PCLO: variants seen among roughly 807,000 people sequenced by gnomAD.
PCLO encodes protein piccolo.
In PCLO, 82 loss-of-function variants were observed where a neutral mutation model predicts 427.5. The ratio of observed to expected loss-of-function variants is 0.19; its 90% CI spans 0.16 to 0.23. The LOEUF (loss-of-function observed/expected upper bound fraction) is 0.23. PCLO is among the 10% of genes least tolerant of loss of function. The pLI is 1.00. For synonymous variants in PCLO, 2,357 were observed against 2,155.4 expected (o/e 1.09, Z -2.59); for missense variants, 6,239 against 6,115.9 (o/e 1.02, Z -0.67).
chr7:82,913,762 T>C (rs1447554877), intron 7 of PCLO, among the ~76,000 whole-genome samples: 1 of 152,052 alleles, frequency 6.6e-6, no homozygotes, highest in Non-Finnish European at 1.5e-5. Context: ...TTTATGGTTG[T>C]ATATCTTTAA....
intron 3 of PCLO, among the ~76,000 whole-genome samples, chr7:83,131,343 C>T (rs1454569241): frequency 1.3e-5 from 2 of 152,070 alleles, no homozygotes; most frequent in African/African-American, 4.8e-5. Context: ...TCCTCAGGTA[C>T]AGTGGGAGGT....
intron 4 of PCLO, among the ~76,000 whole-genome samples, chr7:82,957,906 TATG>T (rs1795565062): frequency 6.6e-6 from 1 of 152,214 alleles, no homozygotes; most frequent in South Asian, 2.1e-4. Context: ...TTTCTTGGGC[TATG>T]ATGATGCCAT....
At chr7:82,872,686 G>A (rs1793266027) in intron 10 of PCLO, among the ~76,000 whole-genome samples, 1 of 152,070 alleles carries the variant, frequency 6.6e-6, no homozygotes, top group African/African-American at 2.4e-5. Flanking sequence ...ACTAATTATA[G>A]CATTGTCTAA....
intron 20 of PCLO, among the ~76,000 whole-genome samples, chr7:82,819,167 A>T (rs1791738314): frequency 6.6e-6 from 1 of 152,148 alleles, no homozygotes; most frequent in Admixed American, 6.6e-5. Context: ...TTAGAAAACA[A>T]GGCTTTTTAA....
At chr7:82,845,218 T>G in intron 13 of PCLO, 53 bp downstream of exon 13, 1 of 1,203,650 alleles carries the variant, frequency 8.3e-7, no homozygotes, top group South Asian at 1.2e-5. Flanking sequence ...GTCTCTATGC[T>G]GAATAAAGAG....
intron 2 of PCLO, among the ~76,000 whole-genome samples, chr7:83,150,114 G>A (rs1451189819): frequency 6.6e-6 from 1 of 152,130 alleles, no homozygotes; most frequent in African/African-American, 2.4e-5. Flanking sequence ...ATAAGAGTTG[G>A]GAAAATTACC....
rs200923736 is a variant in PCLO, at chr7:82,776,128, A to AT, written c.15008-14636dup. On this transcript the variant is annotated intron_variant, in intron 22 of 24. Transcript: ENST00000333891. Reference sequence around the variant, plus strand: ...ACATTGTTAACAAATAATTGGTTTTATTTTTTCCCTTGCAATTTTTATGTA... The same window carrying AT: ...ACATTGTTAACAAATAATTGGTTTTATTTTTTTCCCTTGCAATTTTTATGTA... Among the ~76,000 whole-genome samples, 1,180 of 151,980 alleles carry AT rather than the reference A, an allele frequency of 7.8e-3. 5 individuals are homozygous for AT. The highest frequency in any genetic ancestry group is 0.013 in the Non-Finnish European group (872 of 67,950).
At chr7:82,917,102 T>C (rs533605621) in intron 6 of PCLO, among the ~76,000 whole-genome samples, 1 of 152,236 alleles carries the variant, frequency 6.6e-6, no homozygotes, top group South Asian at 2.1e-4. Flanking sequence ...TTAGCAGTTA[T>C]AAAAACTTAT....
intron 1 of PCLO, among the ~76,000 whole-genome samples, chr7:83,160,925 T>A (rs1433627682): frequency 6.6e-6 from 1 of 152,104 alleles, no homozygotes; most frequent in African/African-American, 2.4e-5. Flanking sequence ...AACACTAAAT[T>A]TTTTTTCTTG....
At chr7:82,903,965 A>C (rs1794121050) in intron 8 of PCLO, among the ~76,000 whole-genome samples, 1 of 151,986 alleles carries the variant, frequency 6.6e-6, no homozygotes, top group Non-Finnish European at 1.5e-5. Flanking sequence ...CTAAAATTAC[A>C]GCCTTTAGCT....
At chr7:82,817,428 C>A (rs1467941283) in intron 20 of PCLO, among the ~76,000 whole-genome samples, 1 of 152,068 alleles carries the variant, frequency 6.6e-6, no homozygotes. Flanking sequence ...TTCCTTCTGA[C>A]CAGAAGTGAT....
At position 83,047,968 on chromosome 7, in the gene PCLO, A is replaced by G. The variant is rs141960400; in HGVS notation, c.3301-81481T>C. Among the ~76,000 whole-genome samples the G allele has an allele frequency of 8.5e-3, 1,292 of 152,120 alleles. 12 individuals carry two copies. The highest frequency in any genetic ancestry group is 0.014 in the Non-Finnish European group (933 of 67,948). ...AAACTCAGAAATGCAAGCAACAGGT[A>G]TTTTATGTGAGGACCAGATAGAAGG... On this transcript the variant is annotated intron_variant, in intron 3 of 24. Coordinates refer to ENST00000333891, the MANE Select transcript of PCLO (RefSeq NM_033026.6).
Position 82,996,725 on chromosome 7 carries a change from C to T in PCLO, c.3301-30238G>A, listed in dbSNP as rs563531008. Among the ~76,000 whole-genome samples the T allele has an allele frequency of 7.9e-5, 12 of 152,060 alleles. No individual in the cohort carries two copies. The South Asian group carries it at 2.5e-3, about 32-fold the overall frequency. ...CAAATTCAACCCATCCTTCAAACAA[C>T]AGGTTTTTTAATACTTCCAAAAGAT... On this transcript the variant is annotated intron_variant, in intron 3 of 24. Transcript: ENST00000333891.
chr7:82,859,341 C>T (rs1792893938), intron 10 of PCLO, among the ~76,000 whole-genome samples: 1 of 152,184 alleles, frequency 6.6e-6, no homozygotes, highest in African/African-American at 2.4e-5. Context: ...AGTGTAGTCA[C>T]AGTGATGTTG....
intron 2 of PCLO, among the ~76,000 whole-genome samples, chr7:83,151,246 G>A (rs528388761): frequency 6.6e-6 from 1 of 152,282 alleles, no homozygotes; most frequent in African/African-American, 2.4e-5. Context: ...CACTAATACT[G>A]TTGATCGAAT....
chr7:83,037,312 G>A (rs1331431577), intron 3 of PCLO, among the ~76,000 whole-genome samples: 3 of 151,944 alleles, frequency 2.0e-5, no homozygotes, highest in South Asian at 2.1e-4. Flanking sequence ...ACAAAACAGC[G>A]TTCTGCCATA....
At chr7:82,908,188 G>C (rs1039554587) in intron 8 of PCLO, among the ~76,000 whole-genome samples, 1 of 152,030 alleles carries the variant, frequency 6.6e-6, no homozygotes, top group African/African-American at 2.4e-5. Context: ...TCAACTCTTA[G>C]TCTCGTAGTT....
chr7:83,012,834 A>C (rs1033078412), intron 3 of PCLO, among the ~76,000 whole-genome samples: 3 of 152,104 alleles, frequency 2.0e-5, no homozygotes, highest in Non-Finnish European at 4.4e-5. Context: ...AATCTGAGAT[A>C]ATAAAACAGA....
intron 3 of PCLO, among the ~76,000 whole-genome samples, chr7:83,035,514 G>A (rs1299710048): frequency 2.6e-5 from 4 of 152,096 alleles, no homozygotes; most frequent in Non-Finnish European, 5.9e-5. Flanking sequence ...TAACATTACA[G>A]TGTATTGCTC....
Sources: allele counts gnomAD v4.1 joint callset (sites outside exome capture counted in the v4.1 genomes callset), GRCh38; gene constraint gnomAD v4.1.1; transcripts MANE v1.5; gene names NCBI Gene and HGNC (gene_info 2026-07-23, HGNC 2026-07-21).